GPC5: variants seen among roughly 807,000 people sequenced by gnomAD.
GPC5 encodes the protein glypican 5, also known as glypican-5.
Under a neutral mutation model 53.9 loss-of-function variants are expected in GPC5, and 47 were observed. That is an observed-to-expected ratio of 0.87 (90% CI 0.69 to 1.11). GPC5 has a LOEUF of 1.11. Among genes scored for constraint, GPC5 ranks in the 50% most tolerant of loss-of-function variants. The pLI is 0.00. For missense variants in GPC5, 748 were observed against 713.1 expected (o/e 1.05, Z -0.56); for synonymous variants, 286 against 263.3 (o/e 1.09, Z -0.84).
intron 7 of GPC5, among the ~76,000 whole-genome samples, chr13:92,637,094 C>G (rs1223439785): frequency 1.3e-5 from 2 of 152,122 alleles, no homozygotes; most frequent in Non-Finnish European, 2.9e-5. Flanking sequence ...TTGGTTACGA[C>G]CCCCAAAATT....
chr13:91,526,007 G>A (rs1886070625), intron 2 of GPC5, among the ~76,000 whole-genome samples: 1 of 152,120 alleles, frequency 6.6e-6, no homozygotes, highest in African/African-American at 2.4e-5. Flanking sequence ...GGAGTAAGTA[G>A]TTGAGAATTT....
intron 6 of GPC5, among the ~76,000 whole-genome samples, chr13:91,969,500 TG>T (rs1230172622): frequency 4.0e-5 from 6 of 151,432 alleles, no homozygotes; most frequent in African/African-American, 1.5e-4. Context: ...AGAGCACAGA[TG>T]AAAAAAAATA....
At chr13:91,571,788 C>CAT (rs1555325783) in intron 2 of GPC5, among the ~76,000 whole-genome samples, 2 of 125,816 alleles carry the variant, frequency 1.6e-5, no homozygotes, top group Admixed American at 1.5e-4. Flanking sequence ...CACACATATA[C>CAT]GTGTGTGTAT....
At chr13:91,616,728 G>A (rs1191079553) in intron 2 of GPC5, among the ~76,000 whole-genome samples, 2 of 151,868 alleles carry the variant, frequency 1.3e-5, no homozygotes, top group Non-Finnish European at 2.9e-5. Context: ...TAGTAATTTA[G>A]GTATTTTCTT....
At chr13:92,063,990 T>A (rs2041144880) in intron 6 of GPC5, among the ~76,000 whole-genome samples, 1 of 152,156 alleles carries the variant, frequency 6.6e-6, no homozygotes, top group African/African-American at 2.4e-5. Flanking sequence ...AATGAACAAA[T>A]TTGGCTGAGA....
intron 7 of GPC5, among the ~76,000 whole-genome samples, chr13:92,429,819 G>A (rs145624854): frequency 0.018 from 2,706 of 152,166 alleles, 76 homozygotes; most frequent in African/African-American, 0.06. Context: ...GAATTACTGG[G>A]AGCGTAATAC....
At chr13:91,977,058 A>G (rs971666495) in intron 6 of GPC5, among the ~76,000 whole-genome samples, 3 of 151,134 alleles carry the variant, frequency 2.0e-5, no homozygotes, top group African/African-American at 7.3e-5. Context: ...ATAAATAAAT[A>G]AATAAATAAA....
At chr13:91,553,848 A>G (rs1357625055) in intron 2 of GPC5, among the ~76,000 whole-genome samples, 1 of 152,064 alleles carries the variant, frequency 6.6e-6, no homozygotes, top group East Asian at 1.9e-4. Context: ...TTTTAAGAAG[A>G]GTGAAATTAA....
chr13:92,331,682 GTT>G (rs5805739), intron 7 of GPC5, among the ~76,000 whole-genome samples: 6,368 of 147,636 alleles, frequency 0.043, 213 homozygotes, highest in African/African-American at 0.093. Context: ...TATACATAGG[GTT>G]TTTTTTTTTG....
intron 6 of GPC5, among the ~76,000 whole-genome samples, chr13:92,138,275 CT>C (rs1225211471): frequency 4.6e-5 from 7 of 152,120 alleles, no homozygotes; most frequent in African/African-American, 1.4e-4. Flanking sequence ...AATCCCAGCA[CT>C]TTGGGATGCC....
At chr13:92,383,604 C>G (rs1219696707) in intron 7 of GPC5, among the ~76,000 whole-genome samples, 12 of 152,126 alleles carry the variant, frequency 7.9e-5, no homozygotes, top group Admixed American at 4.6e-4. Context: ...AAAAGAAACA[C>G]AGAGGAAATG....
intron 7 of GPC5, among the ~76,000 whole-genome samples, chr13:92,167,881 A>G (rs1293923712): frequency 1.3e-5 from 2 of 151,650 alleles, no homozygotes; most frequent in African/African-American, 4.9e-5. Flanking sequence ...AGAAAAAAAA[A>G]AAAAGATAGT....
chr13:91,827,924 T>A (rs373034854), intron 5 of GPC5, among the ~76,000 whole-genome samples: 12 of 151,976 alleles, frequency 7.9e-5, no homozygotes, highest in African/African-American at 2.7e-4. Context: ...TAACCCAACA[T>A]TGTAAAATGG....
At chr13:92,295,289 G>A (rs891729969) in intron 7 of GPC5, among the ~76,000 whole-genome samples, 3 of 152,184 alleles carry the variant, frequency 2.0e-5, no homozygotes, top group African/African-American at 7.2e-5. Flanking sequence ...TGATCATTCA[G>A]GAACAGGCTA....
intron 7 of GPC5, among the ~76,000 whole-genome samples, chr13:92,712,731 G>A (rs745954181): frequency 1.1e-4 from 16 of 152,184 alleles, no homozygotes; most frequent in Admixed American, 3.3e-4. Context: ...TCCTAACCCA[G>A]AGTACCTTAG....
At chr13:91,775,562 T>A (rs2037697704) in intron 5 of GPC5, among the ~76,000 whole-genome samples, 1 of 152,174 alleles carries the variant, frequency 6.6e-6, no homozygotes, top group African/African-American at 2.4e-5. Context: ...TGGAAACACA[T>A]CCAGGCATAC....
At chr13:91,829,803 GT>G (rs1479939590) in intron 5 of GPC5, among the ~76,000 whole-genome samples, 2 of 152,038 alleles carry the variant, frequency 1.3e-5, no homozygotes, top group Non-Finnish European at 2.9e-5. Context: ...AAACCAGCAA[GT>G]TTTTATTAGG....
chr13:91,680,249 G>A (rs2035476194), intron 2 of GPC5, among the ~76,000 whole-genome samples: 1 of 152,146 alleles, frequency 6.6e-6, no homozygotes, highest in Admixed American at 6.5e-5. Context: ...AGGCGTTCTA[G>A]ACCAGCTTGG....
intron 7 of GPC5, among the ~76,000 whole-genome samples, chr13:92,672,233 C>T (rs1221248914): frequency 6.6e-6 from 1 of 152,124 alleles, no homozygotes; most frequent in Non-Finnish European, 1.5e-5. Context: ...TGTACCCCAG[C>T]TCAGAAAATT....
Sources: gnomAD v4.1 joint callset for allele counts (sites outside exome capture counted in the v4.1 genomes callset) on GRCh38, gnomAD v4.1.1 for gene constraint, MANE v1.5 for transcripts, NCBI Gene and HGNC (gene_info 2026-07-23, HGNC 2026-07-21) for gene names.